DSE: variants seen among roughly 807,000 people sequenced by gnomAD.
DSE encodes the protein dermatan sulfate epimerase, also known as dermatan-sulfate epimerase.
DSE carries 36 observed loss-of-function variants against 84.4 expected under a neutral mutation model. That is an observed-to-expected ratio of 0.43 (90% CI 0.33 to 0.56). DSE has a LOEUF of 0.56. Ranked by LOEUF, DSE falls within the 20% of genes least tolerant of loss-of-function variation. DSE has a pLI of 0.06. For synonymous variants in DSE, 410 were observed against 430.1 expected, an observed-to-expected ratio of 0.95 and a Z score of 0.58; for missense variants, 862 against 1,169.6, an observed-to-expected ratio of 0.74 and a Z score of 3.84.
At chr6:116,280,429 C>T (rs1773453106) in intron 2 of DSE, among the ~76,000 whole-genome samples, 1 of 152,134 alleles carries the variant, frequency 6.6e-6, no homozygotes, top group Non-Finnish European at 1.5e-5. Flanking sequence ...ACCACTAAAG[C>T]GATGCATAGT....
chr6:116,314,944 A>G (rs1297020741), intron 2 of DSE, among the ~76,000 whole-genome samples: 1 of 152,238 alleles, frequency 6.6e-6, no homozygotes, highest in African/African-American at 2.4e-5. Flanking sequence ...AGCAAGAGCT[A>G]CATTCAGGTA....
intron 4 of DSE, among the ~76,000 whole-genome samples, chr6:116,432,263 T>C (rs986338529): frequency 3.3e-5 from 5 of 152,234 alleles, no homozygotes; most frequent in African/African-American, 1.2e-4. Flanking sequence ...TTGTGTTTGC[T>C]GTGAGCTGTG....
intron 2 of DSE, among the ~76,000 whole-genome samples, chr6:116,294,047 A>G (rs1254226359): frequency 6.6e-6 from 1 of 152,004 alleles, no homozygotes; most frequent in Admixed American, 6.6e-5. Flanking sequence ...TTTTTGAGAC[A>G]AGGTCTCACT....
In DSE at chr6:116,443,709, A is replaced by G. The variant is rs540138506; in HGVS notation, c.*6364A>G. 6 of 152,336 alleles carry G rather than the reference A, an allele frequency of 3.9e-5. No homozygotes were observed. The highest frequency in any genetic ancestry group is 2.9e-5 in the Non-Finnish European group (2 of 68,036). The allele number at this position is 152,336 out of a possible 1,614,324, so 9.4% of individuals were successfully genotyped here. On this transcript the variant is annotated 3_prime_UTR_variant, in exon 6 of 6. Coordinates refer to ENST00000644252, the MANE Select transcript of DSE (RefSeq NM_013352.4). ...AAGAATGTCCCTATGATTTCAGTAG[A>G]ATTTCTTAAGAAAAGAGCTTCTAAA... is the stretch of plus-strand genomic sequence containing the variant.
chr6:116,391,157 T>G (rs960104271), intron 1 of DSE, among the ~76,000 whole-genome samples: 1 of 152,238 alleles, frequency 6.6e-6, no homozygotes, highest in Non-Finnish European at 1.5e-5. Flanking sequence ...GAAAGTGGGC[T>G]TCACATTATA....
intron 2 of DSE, among the ~76,000 whole-genome samples, chr6:116,274,736 C>T (rs894572276): frequency 6.6e-6 from 1 of 152,168 alleles, no homozygotes; most frequent in Non-Finnish European, 1.5e-5. Context: ...GCAAAATATT[C>T]AGTGCATCTT....
chr6:116,426,828 G>A lies in DSE; in HGVS notation c.670+1G>A, dbSNP rs1783483195. ...GGAAGCCTAGTCCTGATGAATCAAGGTGGGTGTGGACACAGCCAAGGTGAT... is the reference window on the plus strand; with the variant it reads ...GGAAGCCTAGTCCTGATGAATCAAGATGGGTGTGGACACAGCCAAGGTGAT... On this transcript the variant is annotated splice_donor_variant, in intron 3 of 5. Transcript: ENST00000644252. LOFTEE classifies it high-confidence loss of function. 2 of 1,609,106 alleles carry A rather than the reference G, an allele frequency of 1.2e-6. No homozygotes were observed. Among genetic ancestry groups the A allele is most frequent in the Non-Finnish European group, 1.7e-6 (2 of 1,176,616 alleles).
chr6:116,429,761 AC>A, intron 3 of DSE, among the ~76,000 whole-genome samples: 2 of 66,908 alleles, frequency 3.0e-5, no homozygotes, highest in Non-Finnish European at 6.1e-5. Context: ...ATCCTGGCTA[AC>A]ACGGTGAAAC....
intron 2 of DSE, among the ~76,000 whole-genome samples, chr6:116,423,976 C>T (rs1366999246): frequency 6.6e-6 from 1 of 152,178 alleles, no homozygotes; most frequent in Non-Finnish European, 1.5e-5. Flanking sequence ...ATTTGCATAA[C>T]ATTTCATGAA....
intron 2 of DSE, among the ~76,000 whole-genome samples, chr6:116,305,197 T>C (rs570151809): frequency 2.0e-5 from 3 of 152,138 alleles, no homozygotes; most frequent in South Asian, 4.1e-4. Flanking sequence ...CCCACATAAG[T>C]GTCCTCCCTT....
chr6:116,376,603 C>T (rs1583127271), intron 1 of DSE, among the ~76,000 whole-genome samples: 1 of 152,210 alleles, frequency 6.6e-6, no homozygotes, highest in East Asian at 1.9e-4. Context: ...GGATTTCCTT[C>T]TGTTTGCTTC....
At chr6:116,402,463 T>C (rs1220387857) in intron 2 of DSE, among the ~76,000 whole-genome samples, 1 of 152,192 alleles carries the variant, frequency 6.6e-6, no homozygotes, top group Non-Finnish European at 1.5e-5. Context: ...ATCTACCTTA[T>C]AGGGTTGCTA....
At chr6:116,382,648 G>A (rs960288472) in intron 1 of DSE, among the ~76,000 whole-genome samples, 1 of 152,102 alleles carries the variant, frequency 6.6e-6, no homozygotes, top group African/African-American at 2.4e-5. Flanking sequence ...CAAATGTATA[G>A]GTGACAAAGG....
intron 1 of DSE, among the ~76,000 whole-genome samples, chr6:116,395,754 A>G (rs924278339): frequency 2.0e-5 from 3 of 152,112 alleles, no homozygotes; most frequent in African/African-American, 7.2e-5. Context: ...TTTTCATTTA[A>G]TTTTGGCTCT....
At chr6:116,372,384 C>T (rs140063280) in intron 1 of DSE, among the ~76,000 whole-genome samples, 7,391 of 152,234 alleles carry the variant, frequency 0.049, 276 homozygotes, top group African/African-American at 0.094. Context: ...AGGAGAATGG[C>T]GTGAACCCAG....
upstream of DSE, chr6:116,369,998 A>T (rs1779410844): frequency 7.9e-7 from 1 of 1,263,854 alleles, no homozygotes; most frequent in African/African-American, 1.5e-5. Flanking sequence ...CACTGGGTGG[A>T]GGTGGAAGGG....
chr6:116,332,838 A>G (rs183769231), intron 2 of DSE, among the ~76,000 whole-genome samples: 3 of 152,194 alleles, frequency 2.0e-5, no homozygotes, highest in African/African-American at 7.2e-5. Context: ...ATCAATATAT[A>G]AAAAAATCCA....
intron 4 of DSE, among the ~76,000 whole-genome samples, chr6:116,432,005 A>G (rs1462818631): frequency 1.3e-5 from 2 of 152,230 alleles, no homozygotes; most frequent in Non-Finnish European, 2.9e-5. Flanking sequence ...GGTAGTATAC[A>G]TACAGATTAA....
chr6:116,325,831 G>A (rs1249364931), intron 2 of DSE, among the ~76,000 whole-genome samples: 1 of 152,156 alleles, frequency 6.6e-6, no homozygotes, highest in Non-Finnish European at 1.5e-5. Context: ...GGGGGCATCG[G>A]CAAGACTCCT....
Sources: allele counts gnomAD v4.1 joint callset (sites outside exome capture counted in the v4.1 genomes callset), GRCh38; gene constraint gnomAD v4.1.1; transcripts MANE v1.5; gene names NCBI Gene and HGNC (gene_info 2026-07-23, HGNC 2026-07-21).